Variants in SCGB1D4 observed in about 807,000 individuals in gnomAD.
SCGB1D4 encodes secretoglobin family 1D member 4.
SCGB1D4 carries 6 observed loss-of-function variants against 8.1 expected under a neutral mutation model. The ratio of observed to expected loss-of-function variants is 0.74; its 90% CI spans 0.40 to 1.45. SCGB1D4 has a LOEUF of 1.45. Among genes scored for constraint, SCGB1D4 ranks in the 40% most tolerant of loss-of-function variants. SCGB1D4 has a pLI of 0.02. For synonymous variants in SCGB1D4, 34 were observed against 38.1 expected, an observed-to-expected ratio of 0.89 and a Z score of 0.39; for missense variants, 93 against 95.0, an observed-to-expected ratio of 0.98 and a Z score of 0.09.
intron 1 of SCGB1D4, among the ~76,000 whole-genome samples, 173 bp from the exon 2 acceptor site, chr11:62,297,831 G>A (rs1945455304): frequency 6.6e-6 from 1 of 151,998 alleles, no homozygotes; most frequent in South Asian, 2.1e-4. Flanking sequence ...ACACAACAAA[G>A]GGAAGAGCTT....
At position 62,299,073 on chromosome 11, in the gene SCGB1D4, C is replaced by G; in HGVS notation, c.-63G>C. The G allele has an allele frequency of 6.4e-7, 1 of 1,553,240 alleles. No homozygotes were observed. Among genetic ancestry groups the G allele is most frequent in the Non-Finnish European group, 8.8e-7 (1 of 1,135,024 alleles). ...AGTGATTTGGATTCGACTCCAGGAGCCTGTGTAGTCATGGAGGCCAGGGCT... is the reference window on the plus strand; with the variant it reads ...AGTGATTTGGATTCGACTCCAGGAGGCTGTGTAGTCATGGAGGCCAGGGCT... On this transcript the variant is annotated 5_prime_UTR_variant, in exon 1 of 3. Coordinates refer to ENST00000358585, the MANE Select transcript of SCGB1D4 (RefSeq NM_206998.2).
At chr11:62,298,820 C>A in intron 1 of SCGB1D4, 136 bp downstream of exon 1, 13 of 512,700 alleles carry the variant, frequency 2.5e-5, no homozygotes, top group East Asian at 1.2e-4. Flanking sequence ...GAATCTTATT[C>A]AACAAGCACA....
chr11:62,296,496 AAAGAGG>A, intron 2 of SCGB1D4, 77 bp from the exon 3 acceptor site: 3 of 1,473,024 alleles, frequency 2.0e-6, no homozygotes, highest in Non-Finnish European at 1.9e-6. Flanking sequence ...GGCTAACATC[AAAGAGG>A]CCAATGGGAT....
chr11:62,299,019 A>C lies in SCGB1D4; in HGVS notation c.-9T>G. On this transcript the variant is annotated 5_prime_UTR_variant, in exon 1 of 3. Coordinates refer to ENST00000358585, the MANE Select transcript of SCGB1D4 (RefSeq NM_206998.2). ...CACACTGACAGCCTCATGGTGGCTT[A>C]TTCGGCTGTGAGCTCAGCTTTCACA... is the stretch of plus-strand genomic sequence containing the variant. 1 of 1,613,038 alleles carries C rather than the reference A, an allele frequency of 6.2e-7. No homozygotes were observed. Among genetic ancestry groups the C allele is most frequent in the South Asian group, 1.1e-5 (1 of 90,974 alleles).
Position 62,296,349 on chromosome 11 carries a change from C to A in SCGB1D4, c.*61G>T. On this transcript the variant is annotated 3_prime_UTR_variant, in exon 3 of 3. Transcript: ENST00000358585. ...CAATTTTTAGTGAAGATCAGGGTGT[C>A]GTTGAAAGACTTTGGAAACCAGGTT... The A allele has an allele frequency of 6.8e-7, 1 of 1,480,704 alleles. No individual in the cohort carries two copies. Among genetic ancestry groups the A allele is most frequent in the Non-Finnish European group, 9.4e-7 (1 of 1,059,192 alleles). The allele number at this position is 1,480,704 out of a possible 1,614,324, so 91.7% of individuals were successfully genotyped here. A position where few individuals can be genotyped will look rare whatever the true frequency, so the allele number is the denominator to read the frequency against.
chr11:62,296,542 G>C, intron 2 of SCGB1D4, 123 bp from the exon 3 acceptor site: 1 of 971,616 alleles, frequency 1.0e-6, no homozygotes, highest in Non-Finnish European at 1.6e-6. Flanking sequence ...GAAAGGCAGA[G>C]GCAAGAATTC....
In SCGB1D4 at chr11:62,296,382, T is replaced by G; in HGVS notation, c.*28A>C. On this transcript the variant is annotated 3_prime_UTR_variant, in exon 3 of 3. Coordinates refer to ENST00000358585, the MANE Select transcript of SCGB1D4 (RefSeq NM_206998.2). ...GACTTTGGAAACCAGGTTGAGCATT[T>G]TTACATGTCACACACCACATTTTTT... The G allele has an allele frequency of 3.7e-6, 6 of 1,608,824 alleles. No homozygotes were observed. Among genetic ancestry groups the G allele is most frequent in the Non-Finnish European group, 5.1e-6 (6 of 1,175,492 alleles).
intron 1 of SCGB1D4, 43 bp from the exon 2 acceptor site, chr11:62,297,701 G>C (rs773744505): frequency 6.5e-7 from 1 of 1,548,814 alleles, no homozygotes; most frequent in Non-Finnish European, 8.9e-7. Context: ...TAGGAAAGTC[G>C]ATTTTTCTCT....
intron 1 of SCGB1D4, among the ~76,000 whole-genome samples, chr11:62,298,180 G>A (rs888328197): frequency 6.6e-5 from 10 of 151,474 alleles, no homozygotes; most frequent in Admixed American, 5.3e-4. Context: ...GAGACACCAT[G>A]CCTGGCCCAC....
At chr11:62,298,900 C>T in intron 1 of SCGB1D4, 56 bp downstream of exon 1, 1 of 1,568,418 alleles carries the variant, frequency 6.4e-7, no homozygotes, top group Non-Finnish European at 8.7e-7. Flanking sequence ...TGATCTTGTG[C>T]TCAGAAGAGG....
In SCGB1D4 at chr11:62,298,050, TG is replaced by T. The variant is rs1251707885; in HGVS notation, c.56-393del. ...TGTGTGTGTGTGTGTGTGTGTGTTTTGTTTTGTTTTTTTTTTTTGTAGAGAT... is the reference window on the plus strand; with the variant it reads ...TGTGTGTGTGTGTGTGTGTGTGTTTTTTTTGTTTTTTTTTTTTGTAGAGAT... On this transcript the variant is annotated intron_variant, in intron 1 of 2. Coordinates refer to ENST00000358585, the MANE Select transcript of SCGB1D4 (RefSeq NM_206998.2). 2.4e-3 allele frequency among the ~76,000 whole-genome samples: 291 copies of T among 118,784 alleles called. 4 individuals are homozygous for T. The highest frequency in any genetic ancestry group is 8.2e-3 in the African/African-American group (253 of 30,910). 77.9% of individuals were successfully genotyped at this position (118,784 alleles called of 152,430 possible).
chr11:62,298,088 A>G (rs1337618573), intron 1 of SCGB1D4, among the ~76,000 whole-genome samples: 2 of 130,986 alleles, frequency 1.5e-5, no homozygotes, highest in African/African-American at 5.8e-5. Context: ...GGGTTTCGCC[A>G]TGTTGCCCAG....
chr11:62,297,126 T>G (rs956049897), intron 2 of SCGB1D4, among the ~76,000 whole-genome samples: 1 of 152,182 alleles, frequency 6.6e-6, no homozygotes, highest in Admixed American at 6.5e-5. Flanking sequence ...CTCCTGGCTC[T>G]GCAGAAGCTG....
In SCGB1D4 at chr11:62,297,926, C is replaced by T. The variant is rs371097412; in HGVS notation, c.56-268G>A. Among the ~76,000 whole-genome samples the T allele has an allele frequency of 1.2e-3, 188 of 152,016 alleles. 2 individuals carry two copies. The South Asian group carries it at 0.038, about 31-fold the overall frequency. ...GCAGTGGCACAATCTCGGCTCACTG[C>T]AGCCTGAATGTCTTGGGCTCAAGCG... On this transcript the variant is annotated intron_variant, in intron 1 of 2. Coordinates refer to ENST00000358585, the MANE Select transcript of SCGB1D4 (RefSeq NM_206998.2).
chr11:62,298,055 TG>T lies in SCGB1D4; in HGVS notation c.56-398del, dbSNP rs373700792. Among the ~76,000 whole-genome samples the T allele has an allele frequency of 2.8e-3, 412 of 145,404 alleles. 28 individuals carry two copies. Among genetic ancestry groups the T allele is most frequent in the African/African-American group, 7.6e-3 (303 of 39,788 alleles). On this transcript the variant is annotated intron_variant, in intron 1 of 2. Coordinates refer to ENST00000358585, the MANE Select transcript of SCGB1D4 (RefSeq NM_206998.2). Reference sequence around the variant, plus strand: ...GTGTGTGTGTGTGTGTGTTTTGTTTTGTTTTTTTTTTTTGTAGAGATGGGGT... The same window carrying T: ...GTGTGTGTGTGTGTGTGTTTTGTTTTTTTTTTTTTTTTGTAGAGATGGGGT...
At chr11:62,297,717 C>T (rs1945454403) in intron 1 of SCGB1D4, 59 bp from the exon 2 acceptor site, 2 of 1,409,270 alleles carry the variant, frequency 1.4e-6, no homozygotes, top group African/African-American at 2.8e-5. Flanking sequence ...TCTCTCATGG[C>T]TCCCTGAGGT....
In SCGB1D4 at chr11:62,296,395, C is replaced by T; in HGVS notation, c.*15G>A. 1 of 1,611,608 alleles carries T rather than the reference C, an allele frequency of 6.2e-7. No individual in the cohort carries two copies. The highest frequency in any genetic ancestry group is 2.2e-5 in the East Asian group (1 of 44,860). ...AGGTTGAGCATTTTTACATGTCACACACCACATTTTTTCACTATTTCCACC... is the reference window on the plus strand; with the variant it reads ...AGGTTGAGCATTTTTACATGTCACATACCACATTTTTTCACTATTTCCACC... On this transcript the variant is annotated 3_prime_UTR_variant, in exon 3 of 3. Transcript: ENST00000358585.
In SCGB1D4 at chr11:62,296,340, T is replaced by C; in HGVS notation, c.*70A>G. ...AAACCTTTACAATTTTTAGTGAAGA[T>C]CAGGGTGTCGTTGAAAGACTTTGGA... is the stretch of plus-strand genomic sequence containing the variant. On this transcript the variant is annotated 3_prime_UTR_variant, in exon 3 of 3. Transcript: ENST00000358585. 7.3e-7 allele frequency: 1 copy of C among 1,368,340 alleles called. No homozygotes were observed. Among genetic ancestry groups the C allele is most frequent in the Admixed American group, 1.7e-5 (1 of 59,130 alleles). 84.8% of individuals were successfully genotyped at this position (1,368,340 alleles called of 1,614,324 possible). A position where few individuals can be genotyped will look rare whatever the true frequency, so the allele number is the denominator to read the frequency against.
intron 2 of SCGB1D4, among the ~76,000 whole-genome samples, chr11:62,296,982 A>C (rs1313122384): frequency 6.6e-6 from 1 of 152,212 alleles, no homozygotes; most frequent in Non-Finnish European, 1.5e-5. Flanking sequence ...TTCTTGAGAA[A>C]GACATAGTGA....
Sources: gnomAD v4.1 joint callset for allele counts (sites outside exome capture counted in the v4.1 genomes callset) on GRCh38, gnomAD v4.1.1 for gene constraint, MANE v1.5 for transcripts, NCBI Gene and HGNC (gene_info 2026-07-23, HGNC 2026-07-21) for gene names.